Variants in CCND2 observed in about 807,000 individuals in gnomAD.
The protein encoded by CCND2 is G1/S-specific cyclin-D2.
CCND2 carries 6 observed loss-of-function variants against 30.2 expected under a neutral mutation model. The ratio of observed to expected loss-of-function variants is 0.20; its 90% CI spans 0.11 to 0.39. The LOEUF is 0.39. Ranked by LOEUF, CCND2 falls within the 10% of genes least tolerant of loss-of-function variation. The pLI is 1.00. For synonymous variants in CCND2, 150 were observed against 153.1 expected, an observed-to-expected ratio of 0.98 and a Z score of 0.15; for missense variants, 235 against 373.4, an observed-to-expected ratio of 0.63 and a Z score of 3.06.
In CCND2 at chr12:4,305,207, T is replaced by TGC; in HGVS notation, c.*5199_*5200dup. The TGC allele has an allele frequency of 4.3e-6, 1 of 233,224 alleles. No individual in the cohort carries two copies. The highest frequency in any genetic ancestry group is 8.5e-6 in the Non-Finnish European group (1 of 117,808). 14.4% of individuals were successfully genotyped at this position (233,224 alleles called of 1,614,324 possible). A position where few individuals can be genotyped will look rare whatever the true frequency, so the allele number is the denominator to read the frequency against. Reference sequence around the variant, plus strand: ...ATGATGGTGACATGATATAGTCAGCTGCCTTTTAAGAGGTCTTATCTGTTC... The same window carrying TGC: ...ATGATGGTGACATGATATAGTCAGCTGCGCCTTTTAAGAGGTCTTATCTGTTC... On this transcript the variant is annotated 3_prime_UTR_variant, in exon 5 of 5. Coordinates refer to ENST00000261254, the MANE Select transcript of CCND2 (RefSeq NM_001759.4). This position sits in a 1 kb window ranked among gnomAD's most constrained non-coding sequence, Gnocchi z 6.4.
Position 4,288,957 on chromosome 12 carries a change from T to G in CCND2, c.687T>G (p.Thr229=), listed in dbSNP as rs375356578. The part of the protein sequence containing the change: ...EVSSLTCDAL[T]ELLAKITNTD... Reference sequence around the variant, plus strand: ...GCTCGCTCACTTGTGATGCCCTGACTGAGCTGCTGGCTAAGATCACCAACA... The same window carrying G: ...GCTCGCTCACTTGTGATGCCCTGACGGAGCTGCTGGCTAAGATCACCAACA... The change falls in exon 4 of 5, where the codon ACT becomes ACG. Residue 229 remains threonine (T), a synonymous_variant. Coordinates refer to ENST00000261254, the MANE Select transcript of CCND2 (RefSeq NM_001759.4). The G allele has an allele frequency of 5.0e-6, 8 of 1,613,540 alleles. No individual in the cohort carries two copies. In the African/African-American group the frequency reaches 9.3e-5, roughly 19 times the overall value.
chr12:4,297,920 G>A (rs963063629), intron 4 of CCND2: 2 of 391,230 alleles, frequency 5.1e-6, no homozygotes, highest in Non-Finnish European at 1.0e-5. Context: ...GTCATGTTCA[G>A]CACTCTTCCC....
At chr12:4,298,444 T>G (rs1864204586) in intron 4 of CCND2, among the ~76,000 whole-genome samples, 1 of 152,226 alleles carries the variant, frequency 6.6e-6, no homozygotes, top group Non-Finnish European at 1.5e-5. Context: ...ATCGGGAGCT[T>G]GCTGTGTTGT....
rs1392069108 is a variant in CCND2, at chr12:4,293,292, T to C, written c.720+4302T>C. 6.6e-6 allele frequency among the ~76,000 whole-genome samples: 1 copy of C among 152,212 alleles called. No individual in the cohort carries two copies. Among genetic ancestry groups the C allele is most frequent in the African/African-American group, 2.4e-5 (1 of 41,456 alleles). Reference sequence around the variant, plus strand: ...TGGAGGCTCACAGGCCATAAAGGTGTTGTGAAGTTATTGCAAGATACTTAA... The same window carrying C: ...TGGAGGCTCACAGGCCATAAAGGTGCTGTGAAGTTATTGCAAGATACTTAA... On this transcript the variant is annotated intron_variant, in intron 4 of 4. Coordinates refer to ENST00000261254, the MANE Select transcript of CCND2 (RefSeq NM_001759.4). The surrounding 1 kb of genome is among the most constrained non-coding windows in gnomAD (Gnocchi z 4.9).
chr12:4,280,454 A>G (rs905931330), intron 3 of CCND2, among the ~76,000 whole-genome samples: 8 of 152,208 alleles, frequency 5.3e-5, no homozygotes, highest in Non-Finnish European at 8.8e-5. Context: ...GCCAGGCCTC[A>G]TGGCGTGCAC....
In CCND2 at chr12:4,274,273, C is replaced by G; in HGVS notation, c.195+38C>G. 6.3e-7 allele frequency: 1 copy of G among 1,598,974 alleles called. No homozygotes were observed. Among genetic ancestry groups the G allele is most frequent in the Admixed American group, 1.7e-5 (1 of 59,320 alleles). On this transcript the variant is annotated intron_variant, in intron 1 of 4. Coordinates refer to ENST00000261254, the MANE Select transcript of CCND2 (RefSeq NM_001759.4). The surrounding 1 kb of genome is among the most constrained non-coding windows in gnomAD (Gnocchi z 7.7). ...GTGGCGCTCGCCAGGAGCCAGGACC[C>G]CTCCGGATGCTCGGGTCCCCGGCCG...
At chr12:4,292,226 A>G (rs2120571102) in intron 4 of CCND2, among the ~76,000 whole-genome samples, 1 of 152,274 alleles carries the variant, frequency 6.6e-6, no homozygotes, top group East Asian at 1.9e-4. Context: ...GGGCCACGCT[A>G]TGAAATGCCC....
Position 4,288,870 on chromosome 12 carries a change from G to T in CCND2, c.600G>T (p.Ser200=). 1 of 1,613,320 alleles carries T rather than the reference G, an allele frequency of 6.2e-7. No homozygotes were observed. Among genetic ancestry groups the T allele is most frequent in the East Asian group, 2.2e-5 (1 of 44,750 alleles). ...TTAAGTTTGCCATGTACCCACCGTC[G>T]ATGATCGCAACTGGAAGTGTGGGAG... The part of the protein sequence containing the change: ...TDFKFAMYPP[S]MIATGSVGAA... The change falls in exon 4 of 5, where the codon TCG becomes TCT. Residue 200 remains serine, a synonymous_variant. Coordinates refer to ENST00000261254, the MANE Select transcript of CCND2 (RefSeq NM_001759.4).
intron 3 of CCND2, among the ~76,000 whole-genome samples, chr12:4,283,077 A>G (rs952396300): frequency 7.2e-5 from 11 of 152,200 alleles, no homozygotes; most frequent in Non-Finnish European, 1.5e-4. Context: ...ATGGGTGCTA[A>G]ATGTACTGGG....
intron 4 of CCND2, chr12:4,297,614 C>T (rs1307115951): frequency 7.6e-6 from 1 of 132,432 alleles, no homozygotes; most frequent in Admixed American, 7.6e-5. Flanking sequence ...AGAAAAGAAA[C>T]ATTATACCTT....
rs1863831976 is a variant in CCND2, at chr12:4,274,368, G to T, written c.195+133G>T. On this transcript the variant is annotated intron_variant, in intron 1 of 4. Transcript: ENST00000261254. The surrounding 1 kb of genome is among the most constrained non-coding windows in gnomAD (Gnocchi z 7.7). ...GCTCCTGTGCGGGAGTTTACCGCGC[G>T]CCTTCTGGCGAGACGCGTGGCTTTA... The T allele has an allele frequency of 7.7e-6, 7 of 906,986 alleles. No homozygotes were observed. The highest frequency in any genetic ancestry group is 1.2e-5 in the Non-Finnish European group (7 of 585,228). The allele number at this position is 906,986 out of a possible 1,614,324, so 56.2% of individuals were successfully genotyped here. A position where few individuals can be genotyped will look rare whatever the true frequency, so the allele number is the denominator to read the frequency against.
At chr12:4,294,481 C>T (rs1285716612) in intron 4 of CCND2, among the ~76,000 whole-genome samples, 1 of 152,198 alleles carries the variant, frequency 6.6e-6, no homozygotes, top group Non-Finnish European at 1.5e-5. Context: ...AGAGCCGCCA[C>T]ACTTGACATG....
In CCND2 at chr12:4,278,881, G is replaced by A. The variant is rs1218408329; in HGVS notation, c.533G>A (p.Arg178His). ...PQQREKLSLI[R>H]KHAQTFIALC... is the part of the protein sequence containing the mutation. ...CAGCGGGAGAAGCTGTCTCTGATCCGCAAGCATGCTCAGACCTTCATTGCT... is the reference window on the plus strand; with the variant it reads ...CAGCGGGAGAAGCTGTCTCTGATCCACAAGCATGCTCAGACCTTCATTGCT... The change falls in exon 3 of 5, where the codon CGC (arginine) becomes CAC (histidine). Residue 178 changes from arginine (R) to histidine (H), a missense_variant. Arg to His is a conservative substitution (Grantham distance 29, BLOSUM62 0). Coordinates refer to ENST00000261254, the MANE Select transcript of CCND2 (RefSeq NM_001759.4). 6 of 1,613,938 alleles carry A rather than the reference G, an allele frequency of 3.7e-6. No individual in the cohort carries two copies. Among genetic ancestry groups the A allele is most frequent in the Non-Finnish European group, 5.1e-6 (6 of 1,179,920 alleles).
At chr12:4,292,176 G>GAT (rs3217876) in intron 4 of CCND2, among the ~76,000 whole-genome samples, 2,911 of 151,848 alleles carry the variant, frequency 0.019, 48 homozygotes, top group African/African-American at 0.029. Flanking sequence ...TACATAAATG[G>GAT]ATATATATAT....
Position 4,282,745 on chromosome 12 carries a change from G to GCTC in CCND2, c.571+3831_571+3833dup, listed in dbSNP as rs569519082. On this transcript the variant is annotated intron_variant, in intron 3 of 4. Transcript: ENST00000261254. This position sits in a 1 kb window ranked among gnomAD's most constrained non-coding sequence, Gnocchi z 4.3. Reference sequence around the variant, plus strand: ...CGCCCTCCAACCAGCCCCCTCCCCAGCTCCTCCCAGCAGGCCTTGCAGTTG... The same window carrying GCTC: ...CGCCCTCCAACCAGCCCCCTCCCCAGCTCCTCCTCCCAGCAGGCCTTGCAGTTG... 8.0e-4 allele frequency among the ~76,000 whole-genome samples: 122 copies of GCTC among 152,304 alleles called. 1 individual carries two copies. The Middle Eastern group carries it at 0.014, about 17-fold the overall frequency.
intron 3 of CCND2, among the ~76,000 whole-genome samples, chr12:4,288,231 T>C (rs1864049399): frequency 8.1e-6 from 1 of 123,076 alleles, no homozygotes; most frequent in Admixed American, 9.2e-5. Context: ...CTTTTTTAGA[T>C]CAAACCTTTT....
At chr12:4,296,470 T>A (rs1864170290) in intron 4 of CCND2, among the ~76,000 whole-genome samples, 1 of 152,296 alleles carries the variant, frequency 6.6e-6, no homozygotes, top group Admixed American at 6.5e-5. Context: ...CATTTCTTTT[T>A]TAATGTAATG....
intron 3 of CCND2, among the ~76,000 whole-genome samples, chr12:4,279,394 C>CTTT (rs79476081): frequency 3.0e-4 from 42 of 140,590 alleles, no homozygotes; most frequent in African/African-American, 1.1e-3. Context: ...CAAAGAAATT[C>CTTT]TTTTTTTTTT....
chr12:4,297,585 A>AC lies in CCND2; in HGVS notation c.721-2275_721-2274insC, dbSNP rs202244547. Among the ~76,000 whole-genome samples the AC allele has an allele frequency of 7.5e-4, 91 of 120,990 alleles. 4 individuals are homozygous for AC. Among genetic ancestry groups the AC allele is most frequent in the Admixed American group, 1.6e-3 (19 of 12,226 alleles). 79.4% of individuals were successfully genotyped at this position (120,990 alleles called of 152,430 possible). ...CACTCTGTCTCAAAAAAAAAAAAAA[A>AC]AAAAAAAAAAAACAGAAAAGAAAAG... On this transcript the variant is annotated intron_variant, in intron 4 of 4. Coordinates refer to ENST00000261254, the MANE Select transcript of CCND2 (RefSeq NM_001759.4).
Sources: allele counts gnomAD v4.1 joint callset (sites outside exome capture counted in the v4.1 genomes callset), GRCh38; gene constraint gnomAD v4.1.1; non-coding constraint Gnocchi (gnomAD v3.1); transcripts MANE v1.5; gene names NCBI Gene and HGNC (gene_info 2026-07-23, HGNC 2026-07-21).